Variants in COL23A1 observed in about 807,000 individuals in gnomAD.
The protein encoded by COL23A1 is collagen type XXIII alpha 1 chain.
In COL23A1, 97 loss-of-function variants were observed where a neutral mutation model predicts 99.3. The observed-to-expected ratio is 0.98, with a 90% CI of 0.83 to 1.16. COL23A1 has a LOEUF of 1.16. COL23A1 is among the 50% of genes most tolerant of loss of function. The pLI is 0.00. For missense variants in COL23A1, 762 were observed against 757.4 expected (o/e 1.01, Z -0.07); for synonymous variants, 320 against 308.2 (o/e 1.04, Z -0.40).
intron 2 of COL23A1, among the ~76,000 whole-genome samples, chr5:178,356,575 G>A (rs1451618561): frequency 2.0e-5 from 3 of 152,128 alleles, no homozygotes; most frequent in Admixed American, 6.5e-5. Flanking sequence ...CCCAGAAAGA[G>A]AAAGGCAGGG....
intron 25 of COL23A1, among the ~76,000 whole-genome samples, chr5:178,244,240 C>T (rs532055760): frequency 3.3e-5 from 5 of 152,126 alleles, no homozygotes; most frequent in East Asian, 1.9e-4. Context: ...CCACCCGCCT[C>T]GGCTTCCCAA....
chr5:178,574,560 C>T (rs550431095), intron 1 of COL23A1, among the ~76,000 whole-genome samples: 4 of 152,196 alleles, frequency 2.6e-5, no homozygotes, highest in South Asian at 2.1e-4. Context: ...AGGTTGCTCC[C>T]GGGAAATGTT....
At chr5:178,254,122 C>T (rs1425788561) in intron 16 of COL23A1, among the ~76,000 whole-genome samples, 2 of 152,130 alleles carry the variant, frequency 1.3e-5, no homozygotes, top group Non-Finnish European at 2.9e-5. Context: ...CGAGATCACA[C>T]CCAGCCTGGG....
At chr5:178,252,515 G>C in intron 17 of COL23A1, 29 bp downstream of exon 17, 5 of 1,601,140 alleles carry the variant, frequency 3.1e-6, no homozygotes, top group Non-Finnish European at 4.3e-6. Context: ...CAAATGCTTG[G>C]GGGACCACAT....
chr5:178,245,032 C>T (rs1764597341), intron 25 of COL23A1, among the ~76,000 whole-genome samples: 1 of 146,210 alleles, frequency 6.8e-6, no homozygotes, highest in East Asian at 2.1e-4. Context: ...ATCATCCATC[C>T]ATCCACTCAT....
chr5:178,340,547 T>C lies in COL23A1; in HGVS notation c.362-33628A>G, dbSNP rs17081090. Among the ~76,000 whole-genome samples, 17,310 of 152,186 alleles carry C rather than the reference T, an allele frequency of 0.11. 1,058 individuals are homozygous for C. The highest frequency in any genetic ancestry group is 0.19 in the Middle Eastern group (56 of 294). ...TCAAATCCCTGGTGCATGCGAACCATCTAGGAATCTTGCGGAAATCCAGGG... is the reference window on the plus strand; with the variant it reads ...TCAAATCCCTGGTGCATGCGAACCACCTAGGAATCTTGCGGAAATCCAGGG... On this transcript the variant is annotated intron_variant, in intron 2 of 28. Coordinates refer to ENST00000390654, the MANE Select transcript of COL23A1 (RefSeq NM_173465.4). This position sits in a 1 kb window ranked among gnomAD's most constrained non-coding sequence, Gnocchi z 4.7.
chr5:178,245,256 A>G (rs1322053742), intron 25 of COL23A1, among the ~76,000 whole-genome samples: 6 of 139,908 alleles, frequency 4.3e-5, no homozygotes, highest in Admixed American at 4.3e-4. Flanking sequence ...TCCACTCATC[A>G]TCTATCATCC....
At chr5:178,371,594 C>T (rs1762805495) in intron 2 of COL23A1, among the ~76,000 whole-genome samples, 1 of 152,228 alleles carries the variant, frequency 6.6e-6, no homozygotes, top group African/African-American at 2.4e-5. Flanking sequence ...TCACCAACCC[C>T]TGGGCCAAAT....
At chr5:178,316,423 G>T (rs148955894) in intron 2 of COL23A1, among the ~76,000 whole-genome samples, 1 of 152,130 alleles carries the variant, frequency 6.6e-6, no homozygotes, top group Non-Finnish European at 1.5e-5. Context: ...GAGTTTTAAC[G>T]AAATTTGAAC....
chr5:178,290,483 G>C (rs1224163231), intron 3 of COL23A1, 114 bp from the exon 4 acceptor site: 1 of 1,367,034 alleles, frequency 7.3e-7, no homozygotes, highest in Non-Finnish European at 1.0e-6. Context: ...ACCTCTCCCC[G>C]GAAGGCTTTG....
intron 2 of COL23A1, among the ~76,000 whole-genome samples, chr5:178,417,621 C>T (rs545597407): frequency 2.0e-4 from 30 of 152,290 alleles, no homozygotes; most frequent in Non-Finnish European, 3.8e-4. Context: ...CAACCCTCAA[C>T]GATAAAGCGA....
intron 1 of COL23A1, among the ~76,000 whole-genome samples, chr5:178,588,895 A>G (rs778968190): frequency 7.2e-5 from 11 of 152,198 alleles, no homozygotes; most frequent in Non-Finnish European, 4.4e-5. Flanking sequence ...GTTTTCACAC[A>G]GCAATTGAGG....
At chr5:178,513,336 C>T (rs188567501) in intron 2 of COL23A1, among the ~76,000 whole-genome samples, 1 of 152,308 alleles carries the variant, frequency 6.6e-6, no homozygotes, top group African/African-American at 2.4e-5. Context: ...ACTCAGTTTA[C>T]AAATGATGAC....
chr5:178,291,957 G>A (rs1441171791), intron 3 of COL23A1, among the ~76,000 whole-genome samples: 1 of 152,106 alleles, frequency 6.6e-6, no homozygotes, highest in Non-Finnish European at 1.5e-5. Flanking sequence ...ACATCCCATT[G>A]AGCTGACTCC....
chr5:178,304,896 A>C (rs1561844211), intron 3 of COL23A1, among the ~76,000 whole-genome samples: 3 of 152,212 alleles, frequency 2.0e-5, no homozygotes, highest in Non-Finnish European at 4.4e-5. Context: ...GACTTGAAAG[A>C]GCCCAGCACG....
chr5:178,475,056 C>T (rs1303801194), intron 2 of COL23A1, among the ~76,000 whole-genome samples: 2 of 152,184 alleles, frequency 1.3e-5, no homozygotes, highest in Non-Finnish European at 2.9e-5. Flanking sequence ...AGTCACATGG[C>T]AGCATTCTTC....
At chr5:178,376,817 G>A (rs1024024687) in intron 2 of COL23A1, among the ~76,000 whole-genome samples, 1 of 152,196 alleles carries the variant, frequency 6.6e-6, no homozygotes, top group Non-Finnish European at 1.5e-5. Flanking sequence ...GCACTGCTGG[G>A]GACAAAAGTG....
At chr5:178,502,805 G>C (rs1203041845) in intron 2 of COL23A1, among the ~76,000 whole-genome samples, 1 of 152,222 alleles carries the variant, frequency 6.6e-6, no homozygotes, top group Non-Finnish European at 1.5e-5. Context: ...CGTGCACAGA[G>C]ACGTTCCCGG....
At chr5:178,534,304 C>T (rs1760811765) in intron 2 of COL23A1, among the ~76,000 whole-genome samples, 1 of 152,082 alleles carries the variant, frequency 6.6e-6, no homozygotes, top group Admixed American at 6.6e-5. Context: ...GGCAATAATG[C>T]CACTCATGAG....
Sources: allele counts gnomAD v4.1 joint callset (sites outside exome capture counted in the v4.1 genomes callset), GRCh38; gene constraint gnomAD v4.1.1; non-coding constraint Gnocchi (gnomAD v3.1); transcripts MANE v1.5; gene names NCBI Gene and HGNC (gene_info 2026-07-23, HGNC 2026-07-21).